The following RALGAPA1 variants were observed in gnomAD, a reference collection of about 807,000 sequenced individuals.
RALGAPA1 encodes the protein Ral GTPase activating protein catalytic subunit alpha 1.
RALGAPA1 carries 52 observed loss-of-function variants against 269.6 expected under a neutral mutation model. That is an observed-to-expected ratio of 0.19 (90% confidence interval 0.15 to 0.24). The LOEUF is 0.24. RALGAPA1 is among the 10% of genes least tolerant of loss of function. The pLI, the probability that RALGAPA1 is intolerant of heterozygous loss-of-function variation, is 1.00. For missense variants in RALGAPA1, 1,917 were observed against 3,013.9 expected (o/e 0.64, Z 8.52); for synonymous variants, 817 against 1,008.3 (o/e 0.81, Z 3.60).
At chr14:35,624,821 T>A (rs1279542111) in intron 35 of RALGAPA1, among the ~76,000 whole-genome samples, 1 of 152,034 alleles carries the variant, frequency 6.6e-6, no homozygotes, top group African/African-American at 2.4e-5. Context: ...TGCTTAAACA[T>A]GGGAAAAACC....
intron 39 of RALGAPA1, among the ~76,000 whole-genome samples, chr14:35,570,270 C>CAAA (rs11458177): frequency 1.1e-5 from 1 of 93,196 alleles, no homozygotes; most frequent in Non-Finnish European, 2.4e-5. Flanking sequence ...GACTCCATCT[C>CAAA]AAAAAAAAAA....
chr14:35,738,713 G>C (rs1360483420), intron 11 of RALGAPA1, 63 bp from the exon 12 acceptor site: 4 of 1,346,324 alleles, frequency 3.0e-6, no homozygotes, highest in Non-Finnish European at 4.1e-6. Flanking sequence ...AGTCAGTTAA[G>C]TTGAAAAGGT....
chr14:35,736,966 G>T (rs1384317350), intron 12 of RALGAPA1, among the ~76,000 whole-genome samples: 4 of 151,584 alleles, frequency 2.6e-5, no homozygotes, highest in Admixed American at 2.6e-4. Flanking sequence ...AACCTGGGAG[G>T]CAGAGGTTGC....
Position 35,570,696 on chromosome 14 carries a change from C to T in RALGAPA1, c.7417G>A (p.Val2473Ile), listed in dbSNP as rs1424080275. Residue 2473 changes from valine (V) to isoleucine (I), a missense_variant, in exon 39 of 42, where the codon GTT becomes ATT. Val to Ile is a conservative substitution (Grantham distance 29, BLOSUM62 3). This residue lies in a region of RALGAPA1 where 91 missense variants were observed against 130.9 expected (regional missense o/e 0.70). Coordinates refer to ENST00000680220, the MANE Select transcript of RALGAPA1 (RefSeq NM_001346249.2). The part of the protein sequence containing the change: ...LFDGAIVNGK[V>I]LPIMVRATAI... ...GTTGCTCTAACCATAATGGGTAGAACCTTTCCATTCACAATAGCACCATCA... is the reference window on the plus strand; with the variant it reads ...GTTGCTCTAACCATAATGGGTAGAATCTTTCCATTCACAATAGCACCATCA... 1.9e-6 allele frequency: 3 copies of T among 1,610,890 alleles called. No homozygotes were observed. The highest frequency in any genetic ancestry group is 1.7e-5 in the Admixed American group (1 of 59,584).
chr14:35,636,474 T>A (rs1202580863), intron 31 of RALGAPA1, among the ~76,000 whole-genome samples: 1 of 152,104 alleles, frequency 6.6e-6, no homozygotes, highest in African/African-American at 2.4e-5. Context: ...AAACAACAGC[T>A]TCCATATTAT....
At chr14:35,599,381 C>CT (rs2059133522) in intron 36 of RALGAPA1, among the ~76,000 whole-genome samples, 3 of 152,272 alleles carry the variant, frequency 2.0e-5, no homozygotes, top group Middle Eastern at 3.4e-3. Context: ...AACAAGTTCT[C>CT]TAAGTTTCTC....
At chr14:35,648,709 G>A (rs2062624019) in intron 31 of RALGAPA1, among the ~76,000 whole-genome samples, 1 of 151,994 alleles carries the variant, frequency 6.6e-6, no homozygotes, top group Non-Finnish European at 1.5e-5. Context: ...GAGGTGGGAG[G>A]ATCACTTGAG....
chr14:35,548,247 T>C (rs1180335432), intron 41 of RALGAPA1, among the ~76,000 whole-genome samples: 1 of 152,122 alleles, frequency 6.6e-6, no homozygotes, highest in Non-Finnish European at 1.5e-5. Flanking sequence ...AAAAGGTCAA[T>C]ATAACAAGGT....
chr14:35,719,341 A>T (rs1022837167), intron 16 of RALGAPA1, among the ~76,000 whole-genome samples: 5 of 152,192 alleles, frequency 3.3e-5, no homozygotes, highest in East Asian at 1.9e-4. Flanking sequence ...ATGTTAAAAA[A>T]TTTTAAAAAT....
chr14:35,616,615 A>C (rs1385067192), intron 35 of RALGAPA1, among the ~76,000 whole-genome samples: 1 of 152,208 alleles, frequency 6.6e-6, no homozygotes, highest in Non-Finnish European at 1.5e-5. Flanking sequence ...ATAATAGGGG[A>C]AACTCTACAG....
At chr14:35,699,870 T>G (rs540991640) in intron 17 of RALGAPA1, among the ~76,000 whole-genome samples, 2 of 139,378 alleles carry the variant, frequency 1.4e-5, no homozygotes, top group Admixed American at 7.7e-5. Flanking sequence ...TTTAACCACC[T>G]GAGAGGAAGA....
chr14:35,564,691 T>C (rs2056555061), intron 39 of RALGAPA1, among the ~76,000 whole-genome samples: 1 of 152,198 alleles, frequency 6.6e-6, no homozygotes, highest in Non-Finnish European at 1.5e-5. Context: ...AGTATTCTTT[T>C]AAAATGCCAT....
intron 4 of RALGAPA1, among the ~76,000 whole-genome samples, chr14:35,770,674 C>A (rs1595499015): frequency 6.6e-6 from 1 of 152,120 alleles, no homozygotes; most frequent in South Asian, 2.1e-4. Context: ...TGATGCTAAT[C>A]TTGCTTTTTT....
intron 4 of RALGAPA1, among the ~76,000 whole-genome samples, chr14:35,763,787 T>TAG (rs1399565842): frequency 6.6e-6 from 1 of 151,586 alleles, no homozygotes; most frequent in Non-Finnish European, 1.5e-5. Flanking sequence ...TATATATATA[T>TAG]ATATATAGAG....
At position 35,745,573 on chromosome 14, in the gene RALGAPA1, G is replaced by A. The variant is rs2071991289; in HGVS notation, c.1252-3008C>T. Among the ~76,000 whole-genome samples the A allele has an allele frequency of 2.0e-5, 3 of 151,398 alleles. No homozygotes were observed. In the South Asian group the frequency reaches 6.3e-4, roughly 32 times the overall value. On this transcript the variant is annotated intron_variant, in intron 10 of 41. Transcript: ENST00000680220. ...GAGGTCAGGAGTTCGAGACCAGCCT[G>A]ATCAACATGGTGAAACCCCATCTCT...
Position 35,651,872 on chromosome 14 carries a change from A to T in RALGAPA1, c.5609T>A (p.Ile1870Asn), listed in dbSNP as rs1447099289. 6.6e-7 allele frequency: 1 copy of T among 1,519,164 alleles called. No homozygotes were observed. Among genetic ancestry groups the T allele is most frequent in the South Asian group, 1.2e-5 (1 of 84,720 alleles). The allele number at this position is 1,519,164 out of a possible 1,614,324, so 94.1% of individuals were successfully genotyped here. Reference sequence around the variant, plus strand: ...AAGATGGGTGATGGTAGCTATTAGGATCTGTAAGCAAAAAAAAATTTTTTT... The same window carrying T: ...AAGATGGGTGATGGTAGCTATTAGGTTCTGTAAGCAAAAAAAAATTTTTTT... ...QPDSPLKIIQ[I>N]LIATITHLLP... is the part of the protein sequence containing the mutation. Residue 1870 changes from isoleucine to asparagine, a missense_variant and splice_region_variant, in exon 31 of 42, where the codon ATC becomes AAC. By Grantham distance (149) the Ile-to-Asn change is moderately radical. Coordinates refer to ENST00000680220, the MANE Select transcript of RALGAPA1 (RefSeq NM_001346249.2).
intron 39 of RALGAPA1, among the ~76,000 whole-genome samples, chr14:35,552,484 T>G (rs1249861609): frequency 6.6e-6 from 1 of 152,164 alleles, no homozygotes; most frequent in Non-Finnish European, 1.5e-5. Context: ...TCGTTTTATA[T>G]GGTGAGTGCC....
intron 27 of RALGAPA1, 100 bp from the exon 28 acceptor site, chr14:35,659,296 T>A: frequency 1.4e-6 from 1 of 714,462 alleles, no homozygotes; most frequent in Non-Finnish European, 2.2e-6. Flanking sequence ...TTTGTTCTCA[T>A]GTATGTACTT....
chr14:35,640,923 A>G (rs2061985757), intron 31 of RALGAPA1, among the ~76,000 whole-genome samples: 2 of 151,324 alleles, frequency 1.3e-5, no homozygotes, highest in African/African-American at 2.5e-5. Context: ...GGATGATTCA[A>G]CATACACAAA....
Sources: gnomAD v4.1 joint callset for allele counts (sites outside exome capture counted in the v4.1 genomes callset) on GRCh38, gnomAD v4.1.1 for gene constraint, gnomAD v4.1.1 regional missense constraint, MANE v1.5 for transcripts, NCBI Gene and HGNC (gene_info 2026-07-23, HGNC 2026-07-21) for gene names.